CTNNA2: variants seen among roughly 807,000 people sequenced by gnomAD.
CTNNA2 encodes catenin alpha 2.
CTNNA2 carries 42 observed loss-of-function variants against 101.0 expected under a neutral mutation model. The observed-to-expected ratio is 0.42, with a 90% confidence interval of 0.32 to 0.54. CTNNA2 has a LOEUF of 0.54. Among genes scored for constraint, CTNNA2 ranks in the 20% least tolerant of loss-of-function variants. The pLI, the probability that CTNNA2 is intolerant of heterozygous loss-of-function variation, is 0.14. For missense variants in CTNNA2, 871 were observed against 1,223.1 expected, an observed-to-expected ratio of 0.71 and a Z score of 4.29; for synonymous variants, 450 against 456.4, an observed-to-expected ratio of 0.99 and a Z score of 0.18.
intron 7 of CTNNA2, among the ~76,000 whole-genome samples, chr2:80,033,015 G>T (rs1331307634): frequency 6.6e-6 from 1 of 151,924 alleles, no homozygotes; most frequent in Non-Finnish European, 1.5e-5. Context: ...ACTGGGCATG[G>T]TGGTGGGCGC....
At chr2:79,909,828 T>C in intron 7 of CTNNA2, 31 bp downstream of exon 7, 5 of 1,566,340 alleles carry the variant, frequency 3.2e-6, no homozygotes, top group Non-Finnish European at 4.4e-6. Flanking sequence ...TCTCATGTCT[T>C]GGTGGATTCT....
At chr2:79,867,856 G>T (rs1484697888) in intron 4 of CTNNA2, among the ~76,000 whole-genome samples, 5 of 152,152 alleles carry the variant, frequency 3.3e-5, no homozygotes, top group Non-Finnish European at 4.4e-5. Context: ...CCCAAGAAGA[G>T]ATTTACATCT....
intron 9 of CTNNA2, among the ~76,000 whole-genome samples, chr2:80,499,746 G>T (rs1372155696): frequency 6.6e-6 from 1 of 152,054 alleles, no homozygotes; most frequent in Admixed American, 6.6e-5. Flanking sequence ...GCTTGAACCT[G>T]CGAGGCAGAG....
chr2:79,817,765 C>T (rs944684968), intron 3 of CTNNA2, among the ~76,000 whole-genome samples: 3 of 152,132 alleles, frequency 2.0e-5, no homozygotes, highest in African/African-American at 7.2e-5. Context: ...GACAAATAAA[C>T]AGGTAACTTG....
At chr2:80,589,901 T>TGC (rs924388085) in intron 15 of CTNNA2, among the ~76,000 whole-genome samples, 514 of 140,552 alleles carry the variant, frequency 3.7e-3, no homozygotes, top group African/African-American at 0.011. Flanking sequence ...TGTGTGTGTG[T>TGC]GTGTGCGCGC....
At chr2:79,651,911 G>A (rs1228789381) in intron 2 of CTNNA2, among the ~76,000 whole-genome samples, 1 of 152,080 alleles carries the variant, frequency 6.6e-6, no homozygotes, top group African/African-American at 2.4e-5. Context: ...TGGTGAAGGG[G>A]GCCCTCATTT....
At chr2:80,414,360 T>G (rs1207212930) in intron 8 of CTNNA2, among the ~76,000 whole-genome samples, 5 of 152,222 alleles carry the variant, frequency 3.3e-5, no homozygotes, top group Non-Finnish European at 7.3e-5. Flanking sequence ...CTCTTCACCT[T>G]TTAATTATTT....
At chr2:79,625,001 C>A (rs954584659) in intron 1 of CTNNA2, among the ~76,000 whole-genome samples, 2 of 152,108 alleles carry the variant, frequency 1.3e-5, no homozygotes, top group Admixed American at 1.3e-4. Context: ...TAGTAGGAGT[C>A]TCCATTTTAT....
At chr2:80,328,279 C>A (rs1475827569) in intron 7 of CTNNA2, 2 of 470,994 alleles carry the variant, frequency 4.2e-6, no homozygotes, top group Non-Finnish European at 8.8e-6. Context: ...GATAACAACT[C>A]CTTCTTTGCT....
At chr2:80,149,959 C>T (rs762834152) in intron 7 of CTNNA2, among the ~76,000 whole-genome samples, 4 of 152,144 alleles carry the variant, frequency 2.6e-5, no homozygotes, top group Admixed American at 1.3e-4. Flanking sequence ...AGCATCCACC[C>T]TAGGCCTGTT....
At chr2:79,544,923 T>C (rs1261698505) in intron 1 of CTNNA2, among the ~76,000 whole-genome samples, 1 of 152,150 alleles carries the variant, frequency 6.6e-6, no homozygotes, top group African/African-American at 2.4e-5. Context: ...GAGAGTCCCA[T>C]TCTGTGCCCA....
At chr2:80,414,983 C>G (rs373652538) in intron 8 of CTNNA2, among the ~76,000 whole-genome samples, 2 of 152,006 alleles carry the variant, frequency 1.3e-5, no homozygotes, top group African/African-American at 4.8e-5. Context: ...TGGTCAGTGG[C>G]CCACACTTCT....
chr2:80,030,018 G>C (rs868517143), intron 7 of CTNNA2, among the ~76,000 whole-genome samples: 3 of 152,044 alleles, frequency 2.0e-5, no homozygotes, highest in Non-Finnish European at 4.4e-5. Context: ...GGTGCTTGGA[G>C]AAATCACCCA....
chr2:80,619,743 G>T (rs1275235925), intron 18 of CTNNA2, among the ~76,000 whole-genome samples: 2 of 152,016 alleles, frequency 1.3e-5, no homozygotes, highest in East Asian at 3.9e-4. Flanking sequence ...TTCTAATGCA[G>T]TGACTAAAAT....
At chr2:79,817,906 C>G (rs746486508) in intron 3 of CTNNA2, among the ~76,000 whole-genome samples, 2 of 152,132 alleles carry the variant, frequency 1.3e-5, no homozygotes, top group Non-Finnish European at 2.9e-5. Context: ...TGTAAATAAC[C>G]CCCTCTCCCA....
At chr2:79,445,977 G>A (rs1160632558) in intron 4 of CTNNA2, among the ~76,000 whole-genome samples, 3 of 152,072 alleles carry the variant, frequency 2.0e-5, no homozygotes, top group Non-Finnish European at 4.4e-5. Context: ...AAAGAGCAAG[G>A]TGAAGTCCCG....
chr2:79,302,715 T>C (rs1339617180), intron 2 of CTNNA2, among the ~76,000 whole-genome samples: 1 of 152,170 alleles, frequency 6.6e-6, no homozygotes, highest in African/African-American at 2.4e-5. Flanking sequence ...GGAACTAATA[T>C]GAATTGAGTG....
At chr2:80,612,370 A>G (rs1382197582) in intron 17 of CTNNA2, among the ~76,000 whole-genome samples, 1 of 151,638 alleles carries the variant, frequency 6.6e-6, no homozygotes, top group Non-Finnish European at 1.5e-5. Flanking sequence ...AACTGATAAT[A>G]TTCAAATCAA....
At chr2:79,844,509 T>G (rs184999653) in intron 3 of CTNNA2, among the ~76,000 whole-genome samples, 2 of 152,320 alleles carry the variant, frequency 1.3e-5, no homozygotes, top group Non-Finnish European at 2.9e-5. Context: ...ACATTTCCAG[T>G]AGTAGGAGAC....
Sources: gnomAD v4.1 joint callset for allele counts (sites outside exome capture counted in the v4.1 genomes callset) on GRCh38, gnomAD v4.1.1 for gene constraint, MANE v1.5 for transcripts, NCBI Gene and HGNC (gene_info 2026-07-23, HGNC 2026-07-21) for gene names.